TYW1B: variants seen among roughly 807,000 people sequenced by gnomAD.
The protein encoded by TYW1B is tRNA-yW synthesizing protein 1 homolog B.
A neutral mutation model predicts 86.9 loss-of-function variants in TYW1B; 73 were observed. The observed-to-expected ratio is 0.84, with a 90% CI of 0.70 to 1.02. The LOEUF (loss-of-function observed/expected upper bound fraction) is 1.02, where lower values mean the gene tolerates loss of function less well. TYW1B is among the 50% of genes least tolerant of loss of function. TYW1B has a pLI of 0.00. For synonymous variants in TYW1B, 248 were observed against 292.8 expected (o/e 0.85, Z 1.56); for missense variants, 637 against 827.4 (o/e 0.77, Z 2.82).
chr7:72,755,682 C>T (rs1024328674), intron 7 of TYW1B, among the ~76,000 whole-genome samples: 72 of 152,138 alleles, frequency 4.7e-4, no homozygotes, highest in African/African-American at 1.7e-3. Context: ...AGAAGGGAAG[C>T]GTCATCTGTC....
At chr7:72,744,170 GAATAAA>G (rs1433026099) in intron 8 of TYW1B, among the ~76,000 whole-genome samples, 2 of 152,040 alleles carry the variant, frequency 1.3e-5, no homozygotes, top group Admixed American at 6.6e-5. Context: ...CAAAAGGATA[GAATAAA>G]AATAAATTTT....
At chr7:72,665,973 T>A (rs1554445190) in intron 11 of TYW1B, among the ~76,000 whole-genome samples, 1 of 152,214 alleles carries the variant, frequency 6.6e-6, no homozygotes, top group African/African-American at 2.4e-5. Flanking sequence ...GAAGGCAATC[T>A]ATCACTATGA....
chr7:72,818,025 C>T (rs1464131898), intron 2 of TYW1B, among the ~76,000 whole-genome samples: 2 of 151,300 alleles, frequency 1.3e-5, no homozygotes, highest in African/African-American at 4.9e-5. Context: ...CTCAGCTTGC[C>T]GCCCTCCCCT....
chr7:72,647,628 T>C (rs1695576000), intron 11 of TYW1B, among the ~76,000 whole-genome samples: 1 of 152,116 alleles, frequency 6.6e-6, no homozygotes. Flanking sequence ...GAGACTTATG[T>C]TTTTGTACCT....
chr7:72,607,165 G>T (rs782005461), intron 13 of TYW1B, among the ~76,000 whole-genome samples: 1 of 151,888 alleles, frequency 6.6e-6, no homozygotes, highest in Non-Finnish European at 1.5e-5. Flanking sequence ...GGTGGAGATG[G>T]GTGGATCACT....
chr7:72,752,519 T>C (rs1554465272), intron 7 of TYW1B, among the ~76,000 whole-genome samples: 1 of 152,010 alleles, frequency 6.6e-6, no homozygotes, highest in African/African-American at 2.4e-5. Flanking sequence ...TCACTTGAGG[T>C]GAAGAGTTCG....
intron 10 of TYW1B, among the ~76,000 whole-genome samples, chr7:72,696,780 G>A (rs1277163539): frequency 2.6e-5 from 4 of 152,150 alleles, no homozygotes; most frequent in Non-Finnish European, 4.4e-5. Flanking sequence ...AAGTGGAGAG[G>A]CTCTGACCAA....
intron 6 of TYW1B, among the ~76,000 whole-genome samples, chr7:72,792,096 G>A (rs1323812487): frequency 2.0e-5 from 3 of 152,118 alleles, no homozygotes; most frequent in African/African-American, 4.8e-5. Flanking sequence ...TTGGGAGACC[G>A]AGGCGGGTGA....
At chr7:72,641,079 T>C (rs566222412) in intron 11 of TYW1B, among the ~76,000 whole-genome samples, 1 of 152,202 alleles carries the variant, frequency 6.6e-6, no homozygotes, top group East Asian at 1.9e-4. Context: ...GTGGAGATAA[T>C]ACTACTAACC....
chr7:72,747,769 A>T (rs1787421234), intron 7 of TYW1B, among the ~76,000 whole-genome samples: 1 of 152,220 alleles, frequency 6.6e-6, no homozygotes, highest in Admixed American at 6.5e-5. Context: ...TTGGGGAGAA[A>T]TGACAGTTTA....
intron 7 of TYW1B, among the ~76,000 whole-genome samples, chr7:72,756,629 G>A (rs1554466193): frequency 6.6e-6 from 1 of 152,118 alleles, no homozygotes; most frequent in East Asian, 1.9e-4. Flanking sequence ...GAAAAGGTCT[G>A]GCAGACAGGA....
rs1288766778 is a variant in TYW1B, at chr7:72,733,002, G to A, written c.1083-4071C>T. 9.9e-5 allele frequency among the ~76,000 whole-genome samples: 15 copies of A among 152,134 alleles called. 1 individual carries two copies. The highest frequency in any genetic ancestry group is 6.6e-4 in the Admixed American group (10 of 15,266). On this transcript the variant is annotated intron_variant, in intron 8 of 13. Coordinates refer to ENST00000620995, the MANE Select transcript of TYW1B (RefSeq NM_001145440.3). ...ACAAATTGGAAAACCTAGAGGAAAC[G>A]TAGAAATTCCTGTACACACACAACC... is the stretch of plus-strand genomic sequence containing the variant.
intron 11 of TYW1B, among the ~76,000 whole-genome samples, chr7:72,670,566 G>A (rs1186750627): frequency 3.3e-5 from 5 of 152,228 alleles, no homozygotes; most frequent in Non-Finnish European, 7.3e-5. Flanking sequence ...AGACTTCACA[G>A]AGGTTCGGTG....
At chr7:72,634,479 G>A (rs1362657545) in intron 11 of TYW1B, among the ~76,000 whole-genome samples, 2 of 149,402 alleles carry the variant, frequency 1.3e-5, no homozygotes, top group Admixed American at 6.7e-5. Context: ...ATGAGCCAAC[G>A]TGCCCAGCTG....
intron 11 of TYW1B, among the ~76,000 whole-genome samples, chr7:72,683,540 A>G (rs186456023): frequency 9.8e-5 from 15 of 152,334 alleles, no homozygotes; most frequent in African/African-American, 3.1e-4. Context: ...ACTGCACTCC[A>G]GCCTGAGTGA....
intron 11 of TYW1B, among the ~76,000 whole-genome samples, chr7:72,655,190 T>C (rs1258173247): frequency 6.6e-6 from 1 of 151,890 alleles, no homozygotes; most frequent in Non-Finnish European, 1.5e-5. Context: ...ATTGGGAATG[T>C]CTAAGACACA....
At chr7:72,764,332 G>C (rs1787736290) in intron 7 of TYW1B, among the ~76,000 whole-genome samples, 1 of 152,206 alleles carries the variant, frequency 6.6e-6, no homozygotes, top group East Asian at 1.9e-4. Flanking sequence ...GCCCAGACTG[G>C]AGTGCAGTGG....
intron 11 of TYW1B, among the ~76,000 whole-genome samples, chr7:72,632,450 A>T (rs797026609): frequency 2.3e-5 from 2 of 86,312 alleles, no homozygotes; most frequent in African/African-American, 1.2e-4. Flanking sequence ...ATATATATAA[A>T]ATATATATAT....
intron 10 of TYW1B, among the ~76,000 whole-genome samples, chr7:72,700,155 C>CTTTTTTTTTTTTTTTTT (rs587689485): frequency 1.3e-5 from 1 of 74,208 alleles, no homozygotes; most frequent in Non-Finnish European, 2.2e-5. Flanking sequence ...AGCTTTTACA[C>CTTTTTTTTTTTTTTTTT]TTTTTTTTTT....
Sources: gnomAD v4.1 joint callset for allele counts (sites outside exome capture counted in the v4.1 genomes callset) on GRCh38, gnomAD v4.1.1 for gene constraint, MANE v1.5 for transcripts, NCBI Gene and HGNC (gene_info 2026-07-23, HGNC 2026-07-21) for gene names.